PTPRK: variants seen among roughly 807,000 people sequenced by gnomAD.
PTPRK encodes the protein receptor-type tyrosine-protein phosphatase kappa.
Under a neutral mutation model 178.0 loss-of-function variants are expected in PTPRK, and 75 were observed. The observed-to-expected ratio is 0.42, with a 90% CI of 0.35 to 0.51. The LOEUF (loss-of-function observed/expected upper bound fraction) is 0.51. Ranked by LOEUF, PTPRK falls within the 20% of genes least tolerant of loss-of-function variation. The probability of loss-of-function intolerance (pLI) is 0.02; values close to 1 mark genes in which losing one functional copy is unlikely to be tolerated. For missense variants in PTPRK, 1,441 were observed against 1,797.8 expected (o/e 0.80, Z 3.59); for synonymous variants, 637 against 620.6 (o/e 1.03, Z -0.39).
intron 28 of PTPRK, 30 bp from the exon 29 acceptor site, chr6:127,973,187 G>C (rs779741063): frequency 1.2e-6 from 2 of 1,613,160 alleles, no homozygotes; most frequent in Non-Finnish European, 8.5e-7. Flanking sequence ...AGGCATTTTA[G>C]ATAGCAGCAC....
intron 1 of PTPRK, among the ~76,000 whole-genome samples, chr6:128,471,711 C>T (rs1455444247): frequency 2.0e-5 from 3 of 148,874 alleles, no homozygotes; most frequent in African/African-American, 5.0e-5. Context: ...TGATAAAATA[C>T]ATTCTTTTTT....
chr6:128,194,437 G>A (rs1290112301), intron 6 of PTPRK, among the ~76,000 whole-genome samples: 1 of 152,058 alleles, frequency 6.6e-6, no homozygotes, highest in Non-Finnish European at 1.5e-5. Flanking sequence ...CAGTACTACA[G>A]TCAACATGGT....
At chr6:128,008,064 A>G in intron 14 of PTPRK, 8 of 1,350,066 alleles carry the variant, frequency 5.9e-6, no homozygotes, top group Non-Finnish European at 6.9e-6. Flanking sequence ...TCTAATGCAG[A>G]TGTGTCTTCT....
At chr6:128,219,175 T>C (rs372522036) in intron 5 of PTPRK, 79 bp from the exon 6 acceptor site, 25 of 1,292,218 alleles carry the variant, frequency 1.9e-5, no homozygotes, top group East Asian at 9.8e-5. Context: ...AAGCAATATC[T>C]GTGATAAATT....
chr6:128,442,827 T>C (rs1196265632), intron 1 of PTPRK, among the ~76,000 whole-genome samples: 1 of 152,224 alleles, frequency 6.6e-6, no homozygotes, highest in African/African-American at 2.4e-5. Flanking sequence ...GACCCCTGCA[T>C]CTTCATGGCT....
intron 2 of PTPRK, among the ~76,000 whole-genome samples, chr6:128,345,061 G>A (rs1446729835): frequency 2.0e-5 from 3 of 146,820 alleles, no homozygotes; most frequent in African/African-American, 5.0e-5. Context: ...TGGTGGAGAT[G>A]CACAAAAATC....
At chr6:128,468,647 G>A (rs753966878) in intron 1 of PTPRK, among the ~76,000 whole-genome samples, 15 of 151,826 alleles carry the variant, frequency 9.9e-5, no homozygotes, top group Non-Finnish European at 1.8e-4. Flanking sequence ...CCATGACTTC[G>A]GTGGACAACA....
At chr6:128,127,129 T>C (rs1432669510) in intron 7 of PTPRK, among the ~76,000 whole-genome samples, 5 of 152,230 alleles carry the variant, frequency 3.3e-5, no homozygotes, top group Non-Finnish European at 5.9e-5. Flanking sequence ...TTTTCTGATA[T>C]ATTTCATTGA....
At chr6:128,221,541 T>A (rs956477065) in intron 5 of PTPRK, among the ~76,000 whole-genome samples, 153 of 150,412 alleles carry the variant, frequency 1.0e-3, no homozygotes, top group African/African-American at 3.0e-3. Flanking sequence ...AAAAAAATAA[T>A]AATAATAATA....
At chr6:127,990,652 G>C in intron 21 of PTPRK, 117 bp downstream of exon 21, 1 of 664,506 alleles carries the variant, frequency 1.5e-6, no homozygotes, top group Non-Finnish European at 2.6e-6. Flanking sequence ...AACATTTGTG[G>C]AATGAATACA....
intron 13 of PTPRK, among the ~76,000 whole-genome samples, chr6:128,058,981 C>T (rs1421386607): frequency 6.6e-6 from 1 of 151,888 alleles, no homozygotes; most frequent in Non-Finnish European, 1.5e-5. Flanking sequence ...AAATGGTGAA[C>T]GTGTGTGTGC....
chr6:128,218,316 ATG>A (rs1013352002), intron 6 of PTPRK, among the ~76,000 whole-genome samples: 5 of 152,210 alleles, frequency 3.3e-5, no homozygotes, highest in African/African-American at 1.2e-4. Context: ...TGAATGTAAT[ATG>A]TGTTTTGCAC....
intron 5 of PTPRK, among the ~76,000 whole-genome samples, chr6:128,223,683 T>C (rs1413188357): frequency 6.6e-6 from 1 of 152,196 alleles, no homozygotes; most frequent in African/African-American, 2.4e-5. Flanking sequence ...CCATGTACCT[T>C]ATATTATGTG....
chr6:128,124,838 G>A (rs1209257673), intron 7 of PTPRK, among the ~76,000 whole-genome samples: 1 of 152,156 alleles, frequency 6.6e-6, no homozygotes, highest in Non-Finnish European at 1.5e-5. Context: ...GATTTTATCT[G>A]CAACATTTGC....
chr6:128,409,502 GCTA>G (rs1439579304), intron 1 of PTPRK, among the ~76,000 whole-genome samples: 1 of 152,108 alleles, frequency 6.6e-6, no homozygotes, highest in African/African-American at 2.4e-5. Flanking sequence ...TGACTACCTA[GCTA>G]CTATTACTCA....
At chr6:128,279,189 C>T (rs1821286842) in intron 3 of PTPRK, among the ~76,000 whole-genome samples, 1 of 145,826 alleles carries the variant, frequency 6.9e-6, no homozygotes, top group Admixed American at 7.1e-5. Flanking sequence ...AACAAGTCCC[C>T]CAAATTTCTA....
chr6:128,406,429 T>G (rs571945854), intron 1 of PTPRK, among the ~76,000 whole-genome samples: 13 of 152,256 alleles, frequency 8.5e-5, no homozygotes, highest in Admixed American at 4.6e-4. Context: ...AGAATGATGG[T>G]TTTTTTCTGT....
chr6:128,016,517 T>C (rs1009614014), intron 13 of PTPRK, among the ~76,000 whole-genome samples: 1 of 151,914 alleles, frequency 6.6e-6, no homozygotes, highest in Non-Finnish European at 1.5e-5. Flanking sequence ...TGTCACTTTC[T>C]CCAACTTTTT....
At chr6:128,126,955 C>T (rs1344826928) in intron 7 of PTPRK, among the ~76,000 whole-genome samples, 1 of 149,270 alleles carries the variant, frequency 6.7e-6, no homozygotes, top group Non-Finnish European at 1.5e-5. Flanking sequence ...GCAACTGGTA[C>T]TTTCATTTTT....
Sources: gnomAD v4.1 joint callset for allele counts (sites outside exome capture counted in the v4.1 genomes callset) on GRCh38, gnomAD v4.1.1 for gene constraint, MANE v1.5 for transcripts, NCBI Gene and HGNC (gene_info 2026-07-23, HGNC 2026-07-21) for gene names.